Variants in PLCB4 observed in about 807,000 individuals in gnomAD.
PLCB4 encodes 1-phosphatidylinositol 4,5-bisphosphate phosphodiesterase beta-4.
PLCB4 carries 77 observed loss-of-function variants against 178.8 expected under a neutral mutation model. That is an observed-to-expected ratio of 0.43 (90% CI 0.36 to 0.52). The LOEUF (loss-of-function observed/expected upper bound fraction) is 0.52, where lower values mean the gene tolerates loss of function less well. PLCB4 is among the 20% of genes least tolerant of loss of function. The probability of loss-of-function intolerance (pLI) is 0.00; values close to 1 mark genes in which losing one functional copy is unlikely to be tolerated. For missense variants in PLCB4, 1,024 were observed against 1,453.4 expected, an observed-to-expected ratio of 0.70 and a Z score of 4.80; for synonymous variants, 496 against 490.8, an observed-to-expected ratio of 1.01 and a Z score of -0.14.
intron 7 of PLCB4, among the ~76,000 whole-genome samples, chr20:9,355,390 C>T (rs1028724258): frequency 6.6e-6 from 1 of 151,964 alleles, no homozygotes; most frequent in Non-Finnish European, 1.5e-5. Flanking sequence ...GTGTGCTGCA[C>T]CCATTAACTC....
intron 3 of PLCB4, among the ~76,000 whole-genome samples, chr20:9,250,974 A>C (rs183039745): frequency 6.6e-6 from 1 of 152,232 alleles, no homozygotes; most frequent in African/African-American, 2.4e-5. Flanking sequence ...ATGCATGTCC[A>C]ACAGAGAAAT....
chr20:9,398,189 C>G (rs1288511922), intron 19 of PLCB4, among the ~76,000 whole-genome samples: 1 of 152,148 alleles, frequency 6.6e-6, no homozygotes, highest in Non-Finnish European at 1.5e-5. Context: ...GGAACTGGTG[C>G]AGTATCACTT....
At chr20:9,460,570 G>A (rs1298757434) in intron 35 of PLCB4, among the ~76,000 whole-genome samples, 1 of 152,216 alleles carries the variant, frequency 6.6e-6, no homozygotes, top group Non-Finnish European at 1.5e-5. Context: ...CAAGCCATGA[G>A]CTGGACTTAT....
At chr20:9,245,004 A>G (rs1464586747) in intron 3 of PLCB4, among the ~76,000 whole-genome samples, 4 of 152,116 alleles carry the variant, frequency 2.6e-5, no homozygotes, top group Non-Finnish European at 5.9e-5. Context: ...TGTCTGGGCA[A>G]GAGCAGCCTT....
chr20:9,110,521 A>G lies in PLCB4; in HGVS notation c.-79+14179A>G, dbSNP rs187540984. The stretch of plus-strand genomic sequence containing the variant: ...TGTGTAATGGTTGGCATCTGAGAGA[A>G]TAAACAGGAAATTAGTGAGGCTGAG... On this transcript the variant is annotated intron_variant, in intron 2 of 39. Coordinates refer to ENST00000378473, the MANE Select transcript of PLCB4 (RefSeq NM_001377142.1). 2.6e-5 allele frequency among the ~76,000 whole-genome samples: 4 copies of G among 152,330 alleles called. No homozygotes were observed. The East Asian group carries it at 7.7e-4, about 29-fold the overall frequency.
chr20:9,470,721 G>C (rs938724148), intron 36 of PLCB4, among the ~76,000 whole-genome samples: 7 of 152,008 alleles, frequency 4.6e-5, no homozygotes, highest in Non-Finnish European at 8.8e-5. Context: ...ACTGTATGGG[G>C]GTACGTGAGA....
intron 3 of PLCB4, among the ~76,000 whole-genome samples, chr20:9,265,536 G>A (rs1457491602): frequency 6.6e-6 from 1 of 152,062 alleles, no homozygotes; most frequent in African/African-American, 2.4e-5. Flanking sequence ...CAGCAGTTAT[G>A]TGGTATAGGG....
chr20:9,112,869 C>A (rs2091630699), intron 2 of PLCB4, among the ~76,000 whole-genome samples: 1 of 110,986 alleles, frequency 9.0e-6, no homozygotes, highest in Non-Finnish European at 1.7e-5. Flanking sequence ...ATAATTATAA[C>A]AATTTCCTCT....
At chr20:9,263,033 G>A (rs1022466558) in intron 3 of PLCB4, among the ~76,000 whole-genome samples, 1 of 152,110 alleles carries the variant, frequency 6.6e-6, no homozygotes, top group African/African-American at 2.4e-5. Flanking sequence ...GTATACATGA[G>A]GTTGGGTGAC....
intron 3 of PLCB4, among the ~76,000 whole-genome samples, chr20:9,264,721 T>C (rs763493075): frequency 6.6e-6 from 1 of 152,336 alleles, no homozygotes; most frequent in Middle Eastern, 3.4e-3. Flanking sequence ...GTACTGTTTC[T>C]CAACCTGAGC....
intron 10 of PLCB4, among the ~76,000 whole-genome samples, chr20:9,371,575 C>CAGCAAG: frequency 6.6e-6 from 1 of 152,050 alleles, no homozygotes; most frequent in Admixed American, 6.6e-5. Context: ...ATTTTTGTCA[C>CAGCAAG]CTTTCTTAAG....
chr20:9,435,918 T>G (rs1188223243), intron 29 of PLCB4, among the ~76,000 whole-genome samples: 3 of 152,224 alleles, frequency 2.0e-5, no homozygotes, highest in African/African-American at 7.2e-5. Flanking sequence ...AAAACATTTG[T>G]TATACTTTTG....
At chr20:9,405,001 A>T (rs1266937161) in intron 20 of PLCB4, among the ~76,000 whole-genome samples, 1 of 152,188 alleles carries the variant, frequency 6.6e-6, no homozygotes, top group African/African-American at 2.4e-5. Flanking sequence ...ATGCTGAGTT[A>T]CTCAAGAGTG....
At chr20:9,087,505 A>G (rs905115982) in intron 1 of PLCB4, among the ~76,000 whole-genome samples, 8 of 152,212 alleles carry the variant, frequency 5.3e-5, no homozygotes, top group African/African-American at 1.7e-4. Flanking sequence ...TATTAGAAAA[A>G]CATAGTACAA....
chr20:9,317,910 C>T (rs573702068), intron 4 of PLCB4, among the ~76,000 whole-genome samples: 3 of 152,208 alleles, frequency 2.0e-5, no homozygotes, highest in Admixed American at 6.5e-5. Flanking sequence ...ACCGGCCTGG[C>T]CAACATGGTG....
intron 11 of PLCB4, among the ~76,000 whole-genome samples, 184 bp downstream of exon 11, chr20:9,372,587 T>A (rs1217819670): frequency 6.6e-6 from 1 of 152,168 alleles, no homozygotes; most frequent in Non-Finnish European, 1.5e-5. Context: ...TGAGAAACTT[T>A]TACGTATATT....
At chr20:9,224,675 C>A (rs1193962109) in intron 3 of PLCB4, among the ~76,000 whole-genome samples, 1 of 152,124 alleles carries the variant, frequency 6.6e-6, no homozygotes, top group African/African-American at 2.4e-5. Context: ...ACCATCTTTC[C>A]ATTTCTAGGT....
intron 3 of PLCB4, among the ~76,000 whole-genome samples, chr20:9,260,659 T>G (rs928509439): frequency 6.6e-6 from 1 of 152,146 alleles, no homozygotes; most frequent in East Asian, 1.9e-4. Flanking sequence ...TATGCATATA[T>G]AATAACTAGG....
rs115168631 is a variant in PLCB4, at chr20:9,173,739, C to T, written c.-78-43651C>T. Among the ~76,000 whole-genome samples, 835 of 152,258 alleles carry T rather than the reference C, an allele frequency of 5.5e-3. 7 individuals carry two copies. The highest frequency in any genetic ancestry group is 0.019 in the African/African-American group (796 of 41,538). On this transcript the variant is annotated intron_variant, in intron 2 of 39. Transcript: ENST00000378473. ...TTTTTGTGATTACATTGAGCCCACT[C>T]AGATAATACAGTCACCTCTCTATCT...
Sources: allele counts gnomAD v4.1 joint callset (sites outside exome capture counted in the v4.1 genomes callset), GRCh38; gene constraint gnomAD v4.1.1; transcripts MANE v1.5; gene names NCBI Gene and HGNC (gene_info 2026-07-23, HGNC 2026-07-21).